DNAAF9: variants seen among roughly 807,000 people sequenced by gnomAD.
DNAAF9 encodes shulin.
Under a neutral mutation model 167.0 loss-of-function variants are expected in DNAAF9, and 90 were observed. The ratio of observed to expected loss-of-function variants is 0.54; its 90% CI spans 0.45 to 0.64. DNAAF9 has a LOEUF of 0.64. Ranked by LOEUF, DNAAF9 falls within the 30% of genes least tolerant of loss-of-function variation. The probability of loss-of-function intolerance (pLI) is 0.00; values close to 1 mark genes in which losing one functional copy is unlikely to be tolerated. For synonymous variants in DNAAF9, 491 were observed against 508.8 expected (o/e 0.96, Z 0.47); for missense variants, 1,315 against 1,442.2 (o/e 0.91, Z 1.43).
chr20:3,283,421 C>T (rs114589237), intron 27 of DNAAF9, among the ~76,000 whole-genome samples: 9 of 152,252 alleles, frequency 5.9e-5, no homozygotes, highest in Non-Finnish European at 1.0e-4. Flanking sequence ...CAGTAGAGAA[C>T]GGGGTTTACT....
chr20:3,343,696 A>G lies in DNAAF9; in HGVS notation c.825T>C (p.Ser275=). The change falls in exon 9 of 37, where the codon TCT becomes TCC. Residue 275 remains serine, a synonymous_variant. Coordinates refer to ENST00000252032, the MANE Select transcript of DNAAF9 (RefSeq NM_001009984.3). Reference sequence around the variant, plus strand: ...CTTACCTGTTTTCAGTTATATGGCTAGAGATCATTCCATGACTGAAATAAC... The same window carrying G: ...CTTACCTGTTTTCAGTTATATGGCTGGAGATCATTCCATGACTGAAATAAC... ...FRSYFSHGMI[S]SHITENSPNR... is the part of the protein sequence containing the mutation. The G allele has an allele frequency of 6.2e-7, 1 of 1,612,066 alleles. No homozygotes were observed.
chr20:3,292,084 C>T lies in DNAAF9; in HGVS notation c.2239-1867G>A, dbSNP rs563212213. ...TGCGATCTTGGCTTACTACAACCTC[C>T]GCCTCCCGGGTTCACGCAATTCTCC... On this transcript the variant is annotated intron_variant, in intron 25 of 36. Coordinates refer to ENST00000252032, the MANE Select transcript of DNAAF9 (RefSeq NM_001009984.3). Among the ~76,000 whole-genome samples the T allele has an allele frequency of 5.9e-5, 9 of 152,050 alleles. No homozygotes were observed. The South Asian group carries it at 1.7e-3, about 28-fold the overall frequency.
chr20:3,368,628 T>G (rs1568632142), intron 6 of DNAAF9, among the ~76,000 whole-genome samples: 2 of 151,252 alleles, frequency 1.3e-5, no homozygotes, highest in Non-Finnish European at 2.9e-5. Flanking sequence ...TTCTCCTGCC[T>G]CAGCCTCCCG....
intron 33 of DNAAF9, among the ~76,000 whole-genome samples, chr20:3,258,795 A>G (rs927491857): frequency 6.6e-6 from 1 of 152,156 alleles, no homozygotes; most frequent in Non-Finnish European, 1.5e-5. Flanking sequence ...GTTCTCTGTG[A>G]TAACAGCTGA....
chr20:3,347,551 T>A (rs1234173105), intron 8 of DNAAF9, among the ~76,000 whole-genome samples: 1 of 152,158 alleles, frequency 6.6e-6, no homozygotes, highest in Non-Finnish European at 1.5e-5. Context: ...TATATAAGAC[T>A]TTTTCCCTAT....
chr20:3,388,067 CAAAA>C (rs901916873), intron 1 of DNAAF9, among the ~76,000 whole-genome samples: 2 of 104,896 alleles, frequency 1.9e-5, no homozygotes. Flanking sequence ...GACTCTGTCT[CAAAA>C]AAAAAAAAAA....
rs769693107 is a variant in DNAAF9 at position 3,304,487 on chromosome 20, T to C, written c.1735A>G (p.Ile579Val). 3.3e-6 allele frequency: 5 copies of C among 1,525,326 alleles called. No individual in the cohort carries two copies. In the African/African-American group the frequency reaches 6.8e-5, roughly 21 times the overall value. 94.5% of individuals were successfully genotyped at this position (1,525,326 alleles called of 1,614,324 possible). The change falls in exon 21 of 37, where the codon ATC (isoleucine) becomes GTC (valine). Residue 579 changes from isoleucine (I) to valine (V), a missense_variant. Around this residue, in one of 2 missense-constraint regions of DNAAF9, gnomAD observed 981 missense variants for 1,012.5 expected, o/e 0.97. Coordinates refer to ENST00000252032, the MANE Select transcript of DNAAF9 (RefSeq NM_001009984.3). ...TTCATGTGATCCTTGGAAATGATGATACTTCTATGACGACAGTGAGAAAAC... is the reference window on the plus strand; with the variant it reads ...TTCATGTGATCCTTGGAAATGATGACACTTCTATGACGACAGTGAGAAAAC... ...LLFSHCRHRS[I>V]IISKDHMNSI...
Position 3,381,478 on chromosome 20 carries a change from C to T in DNAAF9, c.184G>A (p.Glu62Lys), listed in dbSNP as rs765941380. ...CILGIDSRYN[E>K]GCRELANYLL... is the part of the protein sequence containing the mutation. ...TAATTTGCCAGCTCTCTGCAGCCTT[C>T]ATTGTACCTGCTATCGATTCCTGCA... is the stretch of plus-strand genomic sequence containing the variant. Residue 62 changes from glutamate to lysine, a missense_variant, in exon 3 of 37, where the codon GAA becomes AAA. Glu to Lys is a moderately conservative substitution (Grantham distance 56). Coordinates refer to ENST00000252032, the MANE Select transcript of DNAAF9 (RefSeq NM_001009984.3). 6.2e-6 allele frequency: 10 copies of T among 1,613,892 alleles called. No individual in the cohort carries two copies. The Admixed American group carries it at 1.7e-4, about 27-fold the overall frequency.
At chr20:3,351,800 C>T (rs980072708) in intron 7 of DNAAF9, among the ~76,000 whole-genome samples, 18 of 151,838 alleles carry the variant, frequency 1.2e-4, no homozygotes, top group African/African-American at 4.4e-4. Flanking sequence ...TTAGATTGTA[C>T]ATCAGTTTTA....
rs1036712421 is a variant in DNAAF9, at chr20:3,249,551, A to G, written c.*3021T>C. 1 of 152,236 alleles carries G rather than the reference A, an allele frequency of 6.6e-6. No homozygotes were observed. The highest frequency in any genetic ancestry group is 1.5e-5 in the Non-Finnish European group (1 of 68,042). The allele number at this position is 152,236 out of a possible 1,614,324, so 9.4% of individuals were successfully genotyped here. On this transcript the variant is annotated 3_prime_UTR_variant, in exon 37 of 37. Coordinates refer to ENST00000252032, the MANE Select transcript of DNAAF9 (RefSeq NM_001009984.3). ...ACGAGTTTTAAAATTTAAGTTACAA[A>G]TATTAAAGCACTGAAAAACTAGTAT...
At chr20:3,303,941 G>A (rs2069239960) in intron 21 of DNAAF9, among the ~76,000 whole-genome samples, 1 of 152,226 alleles carries the variant, frequency 6.6e-6, no homozygotes, top group Admixed American at 6.5e-5. Context: ...GGTGTGTGAG[G>A]GAGGAGGGGC....
intron 1 of DNAAF9, among the ~76,000 whole-genome samples, chr20:3,396,198 T>G (rs2083904799): frequency 6.6e-6 from 1 of 152,250 alleles, no homozygotes; most frequent in South Asian, 2.1e-4. Context: ...ATCAACAGCA[T>G]GAAAACAGAC....
In DNAAF9 at chr20:3,376,257, T is replaced by C. The variant is rs765421467; in HGVS notation, c.329A>G (p.Asn110Ser). 3.1e-6 allele frequency: 5 copies of C among 1,613,106 alleles called. No homozygotes were observed. The highest frequency in any genetic ancestry group is 1.3e-5 in the African/African-American group (1 of 75,016). The change falls in exon 4 of 37, where the codon AAT becomes AGT. Residue 110 changes from asparagine (N) to serine (S), a missense_variant. By Grantham distance (46) the Asn-to-Ser change is conservative. Around this residue, in one of 2 missense-constraint regions of DNAAF9, gnomAD observed 981 missense variants for 1,012.5 expected, o/e 0.97. Transcript: ENST00000252032. ...IKSDSVHLYC[N>S]PVNFRYLLPY... Reference sequence around the variant, plus strand: ...TAAGAGATAGCGAAAGTTTACAGGATTACAGTACAGATGGACGCTATCCGA... The same window carrying C: ...TAAGAGATAGCGAAAGTTTACAGGACTACAGTACAGATGGACGCTATCCGA...
At chr20:3,335,075 A>T (rs569743589) in intron 10 of DNAAF9, among the ~76,000 whole-genome samples, 92 of 152,242 alleles carry the variant, frequency 6.0e-4, no homozygotes, top group Non-Finnish European at 9.8e-4. Flanking sequence ...ACAATCTATA[A>T]TGTGGATATA....
At chr20:3,371,444 C>T (rs576674368) in intron 6 of DNAAF9, among the ~76,000 whole-genome samples, 606 of 150,884 alleles carry the variant, frequency 4.0e-3, no homozygotes, top group Non-Finnish European at 5.1e-3. Context: ...CCCGGGTTCC[C>T]GCCATTCTCC....
intron 7 of DNAAF9, among the ~76,000 whole-genome samples, chr20:3,357,483 T>C (rs969931000): frequency 6.6e-6 from 1 of 151,778 alleles, no homozygotes; most frequent in Non-Finnish European, 1.5e-5. Flanking sequence ...AAAAAATAAA[T>C]AAATAAATAA....
At chr20:3,384,539 T>TC (rs1411295077) in intron 1 of DNAAF9, 1 of 150,730 alleles carries the variant, frequency 6.6e-6, no homozygotes, top group Non-Finnish European at 1.5e-5. Context: ...ATCCTGCCTT[T>TC]TTTTTTTTTT....
intron 29 of DNAAF9, among the ~76,000 whole-genome samples, chr20:3,272,096 C>T (rs1166687799): frequency 6.6e-6 from 1 of 152,074 alleles, no homozygotes; most frequent in Non-Finnish European, 1.5e-5. Flanking sequence ...CCCAGATACC[C>T]AATTATTTCA....
Position 3,315,565 on chromosome 20 carries a change from G to A in DNAAF9, c.1590+170C>T, listed in dbSNP as rs972907615. Reference sequence around the variant, plus strand: ...CCCTCTAATTGTATCCCCCATAAATGGTTATTTCTAAAGCTCTGCTGGGAA... The same window carrying A: ...CCCTCTAATTGTATCCCCCATAAATAGTTATTTCTAAAGCTCTGCTGGGAA... On this transcript the variant is annotated intron_variant, in intron 19 of 36. Coordinates refer to ENST00000252032, the MANE Select transcript of DNAAF9 (RefSeq NM_001009984.3). The surrounding 1 kb of genome is among the most constrained non-coding windows in gnomAD (Gnocchi z 4.1). 6.6e-6 allele frequency among the ~76,000 whole-genome samples: 1 copy of A among 152,174 alleles called. No individual in the cohort carries two copies. Among genetic ancestry groups the A allele is most frequent in the Non-Finnish European group, 1.5e-5 (1 of 68,034 alleles).
Sources: gnomAD v4.1 joint callset for allele counts (sites outside exome capture counted in the v4.1 genomes callset) on GRCh38, gnomAD v4.1.1 for gene constraint, gnomAD v4.1.1 regional missense constraint, Gnocchi (gnomAD v3.1) non-coding constraint, MANE v1.5 for transcripts, NCBI Gene and HGNC (gene_info 2026-07-23, HGNC 2026-07-21) for gene names.